Variants in ULK4 observed in about 807,000 individuals in gnomAD.
The protein encoded by ULK4 is unc-51 like kinase 4.
In ULK4, 133 loss-of-function variants were observed where a neutral mutation model predicts 160.6. The ratio of observed to expected loss-of-function variants is 0.83; its 90% CI spans 0.72 to 0.96. ULK4 has a LOEUF of 0.96. Among genes scored for constraint, ULK4 ranks in the 40% least tolerant of loss-of-function variants. The pLI is 0.00. For synonymous variants in ULK4, 534 were observed against 539.8 expected (o/e 0.99, Z 0.15); for missense variants, 1,580 against 1,499.5 (o/e 1.05, Z -0.89).
At chr3:41,899,815 T>C (rs868266602) in intron 13 of ULK4, among the ~76,000 whole-genome samples, 3 of 152,112 alleles carry the variant, frequency 2.0e-5, no homozygotes, top group Admixed American at 1.3e-4. Flanking sequence ...GCCAGACATA[T>C]GAACTCACAA....
chr3:41,350,659 T>C (rs1177269410), intron 35 of ULK4, among the ~76,000 whole-genome samples: 1 of 152,198 alleles, frequency 6.6e-6, no homozygotes, highest in Non-Finnish European at 1.5e-5. Flanking sequence ...CTTTCCTAAG[T>C]GTCATTGTGT....
At chr3:41,738,083 T>G (rs963458570) in intron 22 of ULK4, among the ~76,000 whole-genome samples, 9 of 151,872 alleles carry the variant, frequency 5.9e-5, no homozygotes, top group African/African-American at 1.9e-4. Flanking sequence ...TATGTAGGGG[T>G]GATAATATCT....
rs549743500 is a variant in ULK4, at chr3:41,643,667, T to C, written c.3071+19940A>G. ...TTCTTTTGGCTTAGGATTGACTCGG[T>C]GATGCAGGCTCTTTTTTGGTTCCAT... On this transcript the variant is annotated intron_variant, in intron 30 of 36. Coordinates refer to ENST00000301831, the MANE Select transcript of ULK4 (RefSeq NM_017886.4). Among the ~76,000 whole-genome samples the C allele has an allele frequency of 3.4e-3, 524 of 152,166 alleles. 2 individuals are homozygous for C. Among genetic ancestry groups the C allele is most frequent in the African/African-American group, 0.012 (497 of 41,460 alleles).
chr3:41,592,260 A>G (rs1306325446), intron 31 of ULK4, among the ~76,000 whole-genome samples: 2 of 151,278 alleles, frequency 1.3e-5, no homozygotes, highest in South Asian at 4.1e-4. Flanking sequence ...TAGAGAGCTG[A>G]GTCAATTTAG....
At chr3:41,539,893 T>TG (rs2086635952) in intron 32 of ULK4, among the ~76,000 whole-genome samples, 1 of 152,122 alleles carries the variant, frequency 6.6e-6, no homozygotes, top group Non-Finnish European at 1.5e-5. Context: ...TTTAGGCATC[T>TG]GACTCCTCAT....
intron 21 of ULK4, among the ~76,000 whole-genome samples, chr3:41,757,629 CAAA>C (rs1197436719): frequency 1.4e-4 from 9 of 63,642 alleles, no homozygotes; most frequent in Admixed American, 3.7e-4. Flanking sequence ...GAGACTCTCT[CAAA>C]AAAAAAAAAA....
At chr3:41,312,772 C>T (rs1168288091) in intron 35 of ULK4, among the ~76,000 whole-genome samples, 1 of 152,082 alleles carries the variant, frequency 6.6e-6, no homozygotes, top group African/African-American at 2.4e-5. Flanking sequence ...CATACCACTG[C>T]ACTCCAGCCT....
chr3:41,593,778 C>T (rs1039129482), intron 31 of ULK4, among the ~76,000 whole-genome samples: 1 of 152,098 alleles, frequency 6.6e-6, no homozygotes, highest in Non-Finnish European at 1.5e-5. Flanking sequence ...CTTCTGTAAT[C>T]CCAGAACTTT....
intron 30 of ULK4, among the ~76,000 whole-genome samples, chr3:41,633,848 A>G (rs2033845349): frequency 6.6e-6 from 1 of 152,142 alleles, no homozygotes; most frequent in African/African-American, 2.4e-5. Context: ...TACCATGACC[A>G]CCACCCAGAG....
intron 30 of ULK4, among the ~76,000 whole-genome samples, chr3:41,663,159 T>G (rs1453865642): frequency 6.6e-6 from 1 of 151,576 alleles, no homozygotes; most frequent in Non-Finnish European, 1.5e-5. Context: ...AGGTGGAGGT[T>G]GCAGTGAGCC....
intron 30 of ULK4, among the ~76,000 whole-genome samples, chr3:41,624,365 C>T (rs1185291270): frequency 6.6e-6 from 1 of 152,208 alleles, no homozygotes; most frequent in Non-Finnish European, 1.5e-5. Context: ...TCCAATGGTA[C>T]CTGGACGATC....
intron 32 of ULK4, among the ~76,000 whole-genome samples, chr3:41,506,769 T>TATATATATATATATATATATAA (rs2085398938): frequency 3.2e-5 from 1 of 31,616 alleles, no homozygotes; most frequent in African/African-American, 1.4e-4. Context: ...TGATTTAAAA[T>TATATATATATATATATATATAA]ATATATATAT....
In ULK4 at chr3:41,310,277, C is replaced by G. The variant is rs147971995; in HGVS notation, c.3679-60703G>C. On this transcript the variant is annotated intron_variant, in intron 35 of 36. Coordinates refer to ENST00000301831, the MANE Select transcript of ULK4 (RefSeq NM_017886.4). ...CAACAGTCCTTAGACTGGTGCCAATCTGTGGGCCACTCTTTGTGCCACATT... is the reference window on the plus strand; with the variant it reads ...CAACAGTCCTTAGACTGGTGCCAATGTGTGGGCCACTCTTTGTGCCACATT... Among the ~76,000 whole-genome samples the G allele has an allele frequency of 3.9e-5, 6 of 152,326 alleles. No homozygotes were observed. The East Asian group carries it at 1.2e-3, about 29-fold the overall frequency.
At chr3:41,940,964 T>C (rs1373566208) in intron 2 of ULK4, among the ~76,000 whole-genome samples, 2 of 152,064 alleles carry the variant, frequency 1.3e-5, no homozygotes, top group Non-Finnish European at 2.9e-5. Flanking sequence ...CAAAAATGTG[T>C]GCATTACTAG....
rs996009625 is a variant in ULK4, at chr3:41,642,908, T to C, written c.3071+20699A>G. On this transcript the variant is annotated intron_variant, in intron 30 of 36. Transcript: ENST00000301831. Reference sequence around the variant, plus strand: ...CTAACTGGTGTGAGATGGTATCTCATTGTGGTTTTGATTTGCATTTCTCTG... The same window carrying C: ...CTAACTGGTGTGAGATGGTATCTCACTGTGGTTTTGATTTGCATTTCTCTG... Among the ~76,000 whole-genome samples the C allele has an allele frequency of 1.8e-4, 28 of 152,320 alleles. No individual in the cohort carries two copies. The Middle Eastern group carries it at 0.017, about 93-fold the overall frequency.
chr3:41,735,159 G>A (rs1487423824), intron 22 of ULK4, among the ~76,000 whole-genome samples: 5 of 152,178 alleles, frequency 3.3e-5, no homozygotes, highest in East Asian at 3.9e-4. Context: ...ATCAGATAGC[G>A]GATAAGCTAA....
At chr3:41,846,959 A>G (rs748193004) in intron 17 of ULK4, among the ~76,000 whole-genome samples, 1 of 152,228 alleles carries the variant, frequency 6.6e-6, no homozygotes, top group Non-Finnish European at 1.5e-5. Flanking sequence ...GCTTTGAGGC[A>G]TATCTATACC....
chr3:41,734,615 G>A (rs1420339301), intron 22 of ULK4, among the ~76,000 whole-genome samples: 4 of 152,084 alleles, frequency 2.6e-5, no homozygotes, highest in African/African-American at 9.7e-5. Flanking sequence ...ACAGAAAAGT[G>A]GAAACCAACA....
chr3:41,447,931 C>T (rs966340599), intron 34 of ULK4, among the ~76,000 whole-genome samples: 3 of 152,162 alleles, frequency 2.0e-5, no homozygotes, highest in Admixed American at 2.0e-4. Context: ...GCCAGTGAGC[C>T]ATCACCACCA....
Sources: allele counts gnomAD v4.1 joint callset (sites outside exome capture counted in the v4.1 genomes callset), GRCh38; gene constraint gnomAD v4.1.1; transcripts MANE v1.5; gene names NCBI Gene and HGNC (gene_info 2026-07-23, HGNC 2026-07-21).